The following FMR1 variants were observed in gnomAD, a reference collection of about 807,000 sequenced individuals.
FMR1 encodes the protein FMRP translational regulator 1.
FMR1 carries 13 observed loss-of-function variants against 50.6 expected under a neutral mutation model. The ratio of observed to expected loss-of-function variants is 0.26; its 90% confidence interval spans 0.17 to 0.41. The LOEUF is 0.41. FMR1 is among the 10% of genes least tolerant of loss of function. The pLI is 1.00. For synonymous variants in FMR1, 138 were observed against 164.1 expected (o/e 0.84, Z 1.22); for missense variants, 316 against 491.3 (o/e 0.64, Z 3.37).
intron 12 of FMR1, among the ~76,000 whole-genome samples, chrX:147,939,461 T>G (rs1267349244): frequency 8.9e-6 from 1 of 112,056 alleles, no homozygotes; most frequent in Admixed American, 9.4e-5. Context: ...AATGTACCTA[T>G]TTTTTTGTCT....
intron 3 of FMR1, among the ~76,000 whole-genome samples, chrX:147,926,424 C>T (rs782569247): frequency 1.8e-5 from 2 of 111,646 alleles, no homozygotes; most frequent in East Asian, 5.6e-4. Context: ...TGAAGGATGT[C>T]GCTAAGTAGA....
intron 16 of FMR1, chrX:147,947,412 C>CAAAAA (rs369505010): frequency 8.3e-5 from 3 of 36,017 alleles, no homozygotes; most frequent in Non-Finnish European, 1.0e-4. Context: ...AACACCATCT[C>CAAAAA]AAAAAAAAAA....
At chrX:147,916,712 T>C (rs1345427314) in intron 1 of FMR1, among the ~76,000 whole-genome samples, 2 of 110,741 alleles carry the variant, frequency 1.8e-5, no homozygotes, top group Non-Finnish European at 3.8e-5. Context: ...GTTTCTTTGG[T>C]TTGTTTCTTT....
intron 5 of FMR1, 122 bp from the exon 6 acceptor site, chrX:147,929,826 C>T (rs1046258455): frequency 8.1e-6 from 4 of 496,332 alleles, no homozygotes; most frequent in Non-Finnish European, 1.4e-5. Flanking sequence ...ATGGATATAG[C>T]ATATTTTGCA....
chrX:147,921,892 C>G, intron 1 of FMR1, 41 bp from the exon 2 acceptor site: 3 of 938,141 alleles, frequency 3.2e-6, no homozygotes, highest in Non-Finnish European at 4.6e-6. Context: ...CAAAAACTAT[C>G]TTTAAGCTCA....
intron 7 of FMR1, among the ~76,000 whole-genome samples, chrX:147,931,289 T>G (rs25710): frequency 0.019 from 2,117 of 111,754 alleles, 95 homozygotes; most frequent in East Asian, 0.17. Flanking sequence ...TATCATACTT[T>G]TGGCTAACCA....
intron 14 of FMR1, chrX:147,944,478 G>T (rs1218237312): frequency 2.7e-6 from 2 of 751,722 alleles, no homozygotes; most frequent in African/African-American, 4.7e-5. Flanking sequence ...CTTGCTAAAA[G>T]GAGCTCTCTT....
intron 1 of FMR1, chrX:147,914,036 A>G (rs782249785): frequency 3.6e-5 from 4 of 112,409 alleles, no homozygotes; most frequent in African/African-American, 6.5e-5. Context: ...TCTTCCAGCA[A>G]CTTATGATTT....
intron 1 of FMR1, among the ~76,000 whole-genome samples, chrX:147,919,100 C>T (rs1264574892): frequency 9.8e-5 from 11 of 111,702 alleles, no homozygotes; most frequent in Admixed American, 1.9e-4. Flanking sequence ...GATGTATAAA[C>T]ATTATGAAAC....
chrX:147,944,169 C>T, intron 14 of FMR1: 2 of 752,201 alleles, frequency 2.7e-6, no homozygotes, highest in Middle Eastern at 1.5e-3. Context: ...GTTCTTTTTA[C>T]TCATGAATTT....
At chrX:147,926,170 A>C (rs1327997724) in intron 3 of FMR1, among the ~76,000 whole-genome samples, 2 of 111,951 alleles carry the variant, frequency 1.8e-5, no homozygotes, top group Admixed American at 1.9e-4. Context: ...CTCTTTGACC[A>C]AAATGTGCTA....
At chrX:147,924,329 C>G (rs781788937) in intron 2 of FMR1, among the ~76,000 whole-genome samples, 1 of 110,043 alleles carries the variant, frequency 9.1e-6, no homozygotes, top group East Asian at 2.8e-4. Context: ...TAAGAAAGCT[C>G]TTTAGTAAAA....
At chrX:147,941,759 G>A (rs1041890898) in intron 13 of FMR1, among the ~76,000 whole-genome samples, 2 of 111,900 alleles carry the variant, frequency 1.8e-5, no homozygotes, top group South Asian at 7.4e-4. Context: ...GGCCTGGAGA[G>A]TTAGGATTGC....
intron 12 of FMR1, among the ~76,000 whole-genome samples, chrX:147,939,192 G>A (rs1340500628): frequency 9.0e-6 from 1 of 111,486 alleles, no homozygotes; most frequent in Non-Finnish European, 1.9e-5. Flanking sequence ...GAAATGAATT[G>A]CCAGTTATTA....
intron 4 of FMR1, 64 bp downstream of exon 4, chrX:147,928,457 C>T: frequency 2.2e-6 from 2 of 914,074 alleles, no homozygotes; most frequent in Non-Finnish European, 3.2e-6. Context: ...CCAGGTTGTA[C>T]ATTCCCGTGT....
intron 9 of FMR1, among the ~76,000 whole-genome samples, chrX:147,935,509 T>C (rs1227528902): frequency 2.7e-5 from 3 of 112,258 alleles, no homozygotes; most frequent in Non-Finnish European, 5.6e-5. Context: ...GGCAAGCACA[T>C]GGTGGATGTG....
intron 9 of FMR1, among the ~76,000 whole-genome samples, chrX:147,934,025 A>G (rs991106056): frequency 2.7e-5 from 3 of 112,382 alleles, no homozygotes; most frequent in African/African-American, 9.7e-5. Flanking sequence ...TTGCATACCA[A>G]TTGTATGTGT....
Position 147,912,241 on chromosome X carries a change from C to G in FMR1, c.51+11C>G. On this transcript the variant is annotated intron_variant, in intron 1 of 16. Coordinates refer to ENST00000370475, the MANE Select transcript of FMR1 (RefSeq NM_002024.6). ...GGCGCTTTCTACAAGGTACTTGGCT[C>G]TAGGGCAGGCCCCATCTTCGCCCTT... 3.5e-6 allele frequency: 4 copies of G among 1,158,866 alleles called. No individual in the cohort carries two copies. The highest frequency in any genetic ancestry group is 4.6e-6 in the Non-Finnish European group (4 of 866,809).
Position 147,938,108 on chromosome X carries a change from G to A in FMR1, c.1135G>A (p.Ala379Thr). The change falls in exon 12 of 17, where the codon GCT becomes ACT. Residue 379 changes from alanine to threonine, a missense_variant. Physicochemically the swap from Ala to Thr is moderately conservative, Grantham distance 58. Transcript: ENST00000370475. ...CCTTATACTGCTTTAGGTGTTAGTG[G>A]CTTCATCAGTTGTAGCAGGGGAATC... ...NSTKVQRVLVASSVVAGESQK... is the reference protein window; with the variant it reads ...NSTKVQRVLVTSSVVAGESQK... 8.3e-7 allele frequency: 1 copy of A among 1,207,197 alleles called. No individual in the cohort carries two copies. The highest frequency in any genetic ancestry group is 1.1e-6 in the Non-Finnish European group (1 of 891,234).
Sources: allele counts gnomAD v4.1 joint callset (sites outside exome capture counted in the v4.1 genomes callset), GRCh38; gene constraint gnomAD v4.1.1; transcripts MANE v1.5; gene names NCBI Gene and HGNC (gene_info 2026-07-23, HGNC 2026-07-21).